The following L3MBTL4 variants were observed in gnomAD, a reference collection of about 807,000 sequenced individuals.
The protein encoded by L3MBTL4 is lethal(3)malignant brain tumor-like protein 4.
In L3MBTL4, 70 loss-of-function variants were observed where a neutral mutation model predicts 84.5. The observed-to-expected ratio is 0.83, with a 90% CI of 0.68 to 1.01. L3MBTL4 has a LOEUF of 1.01. Ranked by LOEUF, L3MBTL4 falls within the 50% of genes least tolerant of loss-of-function variation. The probability of loss-of-function intolerance (pLI) is 0.00; values close to 1 mark genes in which losing one functional copy is unlikely to be tolerated. For synonymous variants in L3MBTL4, 274 were observed against 259.8 expected (o/e 1.05, Z -0.52); for missense variants, 715 against 754.8 (o/e 0.95, Z 0.62).
rs1169904300 is a variant in L3MBTL4 at position 6,244,450 on chromosome 18, G to A, written c.324+34C>T. ...TAGAAAATTATCTTTCTGTCACTAG[G>A]CAATTAGCCCAAGACAGTAACACCA... On this transcript the variant is annotated intron_variant, in intron 6 of 18. Coordinates refer to ENST00000317931, the MANE Select transcript of L3MBTL4 (RefSeq NM_001330559.2). The A allele has an allele frequency of 3.1e-6, 4 of 1,278,690 alleles. No homozygotes were observed. In the African/African-American group the frequency reaches 4.5e-5, roughly 14 times the overall value. The allele number at this position is 1,278,690 out of a possible 1,614,324, so 79.2% of individuals were successfully genotyped here.
At chr18:6,247,935 C>T (rs2047751506) in intron 5 of L3MBTL4, among the ~76,000 whole-genome samples, 1 of 152,022 alleles carries the variant, frequency 6.6e-6, no homozygotes, top group African/African-American at 2.4e-5. Flanking sequence ...GTCCTTCTGT[C>T]CCTCACTGGT....
In L3MBTL4 at chr18:6,306,765, C is replaced by G. The variant is rs751834944; in HGVS notation, c.72+4789G>C. 8.5e-5 allele frequency among the ~76,000 whole-genome samples: 13 copies of G among 152,178 alleles called. 1 individual carries two copies. The highest frequency in any genetic ancestry group is 1.6e-4 in the Non-Finnish European group (11 of 68,028). ...AATTGCACAGCAAACCTTATACTTA[C>G]TGAAATGGAAAGACCCATAAAGTTC... On this transcript the variant is annotated intron_variant, in intron 3 of 18. Coordinates refer to ENST00000317931, the MANE Select transcript of L3MBTL4 (RefSeq NM_001330559.2).
At chr18:5,987,833 G>A (rs970045661) in intron 16 of L3MBTL4, among the ~76,000 whole-genome samples, 2 of 151,834 alleles carry the variant, frequency 1.3e-5, no homozygotes, top group African/African-American at 4.8e-5. Flanking sequence ...ATTTTCTCTG[G>A]CAAGAGATTG....
At chr18:6,044,285 T>C (rs1445735898) in intron 16 of L3MBTL4, among the ~76,000 whole-genome samples, 2 of 152,256 alleles carry the variant, frequency 1.3e-5, no homozygotes, top group African/African-American at 4.8e-5. Flanking sequence ...ACTAGTTCTC[T>C]GAAGCAAAGT....
intron 12 of L3MBTL4, among the ~76,000 whole-genome samples, chr18:6,196,740 A>G (rs1013808415): frequency 6.6e-5 from 10 of 152,286 alleles, no homozygotes; most frequent in Middle Eastern, 6.8e-3. Flanking sequence ...ACATCTTACT[A>G]TCTCAGTAAT....
intron 16 of L3MBTL4, chr18:6,030,564 C>T (rs1230051162): frequency 7.6e-6 from 6 of 791,184 alleles, no homozygotes; most frequent in East Asian, 2.5e-4. Context: ...TACAGTGGCA[C>T]GATCTCAGCT....
intron 1 of L3MBTL4, among the ~76,000 whole-genome samples, chr18:6,317,041 G>A (rs1031150052): frequency 3.3e-5 from 5 of 151,044 alleles, no homozygotes; most frequent in Non-Finnish European, 7.4e-5. Flanking sequence ...CACACTGTGG[G>A]GAAACAAGAT....
chr18:6,119,540 G>A (rs914681547), intron 14 of L3MBTL4, among the ~76,000 whole-genome samples: 10 of 152,208 alleles, frequency 6.6e-5, no homozygotes, highest in South Asian at 4.1e-4. Flanking sequence ...GCTTGAATGC[G>A]TATGGATCGC....
At chr18:6,207,060 A>G (rs2045906370) in intron 12 of L3MBTL4, among the ~76,000 whole-genome samples, 1 of 152,244 alleles carries the variant, frequency 6.6e-6, no homozygotes, top group Non-Finnish European at 1.5e-5. Flanking sequence ...CCCATGAGCT[A>G]AAAATGTTTT....
chr18:6,171,827 C>G lies in L3MBTL4; in HGVS notation c.1096+1G>C. On this transcript the variant is annotated splice_donor_variant, in intron 13 of 18. Coordinates refer to ENST00000317931, the MANE Select transcript of L3MBTL4 (RefSeq NM_001330559.2). LOFTEE classifies it high-confidence loss of function. ...GCAACAACAAAGAGCAAAGTACTCA[C>G]GCTGTGGCACTTCCAGTGGATGCCC... 1 of 1,523,240 alleles carries G rather than the reference C, an allele frequency of 6.6e-7. No individual in the cohort carries two copies. The highest frequency in any genetic ancestry group is 8.9e-7 in the Non-Finnish European group (1 of 1,123,654). 94.4% of individuals were successfully genotyped at this position (1,523,240 alleles called of 1,614,324 possible). A position where few individuals can be genotyped will look rare whatever the true frequency, so the allele number is the denominator to read the frequency against.
intron 1 of L3MBTL4, among the ~76,000 whole-genome samples, chr18:6,393,562 C>T (rs896055864): frequency 6.6e-6 from 1 of 152,214 alleles, no homozygotes; most frequent in Admixed American, 6.5e-5. Flanking sequence ...AAGACTATCT[C>T]CATCTCAGGC....
At chr18:6,140,734 C>T (rs2144674423) in intron 13 of L3MBTL4, among the ~76,000 whole-genome samples, 1 of 152,202 alleles carries the variant, frequency 6.6e-6, no homozygotes, top group East Asian at 1.9e-4. Context: ...AACATTTAAA[C>T]ATACTCCAGT....
chr18:6,118,937 C>G (rs1185107068), intron 14 of L3MBTL4, among the ~76,000 whole-genome samples: 1 of 145,498 alleles, frequency 6.9e-6, no homozygotes, highest in Non-Finnish European at 1.5e-5. Flanking sequence ...GGTAAAATTA[C>G]ATATTTCAAT....
Position 5,960,165 on chromosome 18 carries a change from C to T in L3MBTL4, c.1615-9G>A, listed in dbSNP as rs779372485. The T allele has an allele frequency of 2.5e-6, 4 of 1,577,820 alleles. No individual in the cohort carries two copies. The highest frequency in any genetic ancestry group is 3.5e-6 in the Non-Finnish European group (4 of 1,157,298). ...TGTACAAACTCAGCCACCTACAGTG[C>T]GAGATGAAAAGCCTAATTTAATACA... On this transcript the variant is annotated splice_polypyrimidine_tract_variant and intron_variant, in intron 17 of 18. Transcript: ENST00000317931.
chr18:5,969,324 T>A, intron 17 of L3MBTL4, 69 bp downstream of exon 17: 1 of 1,552,366 alleles, frequency 6.4e-7, no homozygotes, highest in Non-Finnish European at 8.9e-7. Context: ...GAATGGTCAG[T>A]GGGCACCTTC....
intron 4 of L3MBTL4, among the ~76,000 whole-genome samples, chr18:6,281,949 G>A (rs2077240): frequency 0.18 from 26,926 of 152,028 alleles, 2,450 homozygotes; most frequent in East Asian, 0.23. Flanking sequence ...ATTATCACCC[G>A]GACAGATTCA....
intron 1 of L3MBTL4, among the ~76,000 whole-genome samples, chr18:6,347,625 A>T (rs58465846): frequency 0.16 from 24,345 of 149,286 alleles, 2,034 homozygotes; most frequent in African/African-American, 0.21. Context: ...ATAACTTTTT[A>T]AAAAAAAAAC....
chr18:5,986,041 G>C (rs1158740844), intron 16 of L3MBTL4, among the ~76,000 whole-genome samples: 1 of 152,174 alleles, frequency 6.6e-6, no homozygotes, highest in Non-Finnish European at 1.5e-5. Context: ...AATGAAAAGT[G>C]ACCTGGCCAG....
At chr18:6,089,359 C>T (rs1323275232) in intron 15 of L3MBTL4, among the ~76,000 whole-genome samples, 1 of 152,090 alleles carries the variant, frequency 6.6e-6, no homozygotes, top group Non-Finnish European at 1.5e-5. Flanking sequence ...TGGTAAGATT[C>T]TTCCCTTCAG....
Sources: allele counts gnomAD v4.1 joint callset (sites outside exome capture counted in the v4.1 genomes callset), GRCh38; gene constraint gnomAD v4.1.1; transcripts MANE v1.5; gene names NCBI Gene and HGNC (gene_info 2026-07-23, HGNC 2026-07-21).